RGL1: variants seen among roughly 807,000 people sequenced by gnomAD.
The protein encoded by RGL1 is ral guanine nucleotide dissociation stimulator-like 1.
In RGL1, 24 loss-of-function variants were observed where a neutral mutation model predicts 95.2. The ratio of observed to expected loss-of-function variants is 0.25; its 90% CI spans 0.18 to 0.35. The LOEUF (loss-of-function observed/expected upper bound fraction) is 0.35. Among genes scored for constraint, RGL1 ranks in the 10% least tolerant of loss-of-function variants. The probability of loss-of-function intolerance (pLI) is 1.00; values close to 1 mark genes in which losing one functional copy is unlikely to be tolerated. For synonymous variants in RGL1, 329 were observed against 344.9 expected, an observed-to-expected ratio of 0.95 and a Z score of 0.51; for missense variants, 715 against 936.3, an observed-to-expected ratio of 0.76 and a Z score of 3.08.
intron 1 of RGL1, among the ~76,000 whole-genome samples, chr1:183,727,829 A>G (rs1174855412): frequency 6.6e-6 from 1 of 152,206 alleles, no homozygotes; most frequent in Non-Finnish European, 1.5e-5. Flanking sequence ...AAAGGACAAT[A>G]TTATTTGCAA....
At chr1:183,751,812 T>C (rs554886952) in intron 2 of RGL1, among the ~76,000 whole-genome samples, 1 of 152,300 alleles carries the variant, frequency 6.6e-6, no homozygotes, top group East Asian at 1.9e-4. Flanking sequence ...GGGAGTTCCC[T>C]GACCCCTTGC....
At chr1:183,753,954 A>T (rs1210624341) in intron 2 of RGL1, among the ~76,000 whole-genome samples, 69 of 147,306 alleles carry the variant, frequency 4.7e-4, no homozygotes, top group Admixed American at 6.1e-4. Flanking sequence ...CAGTGGGTTC[A>T]TTTTTTTTTT....
At chr1:183,748,755 T>G (rs1438119558) in intron 2 of RGL1, among the ~76,000 whole-genome samples, 1 of 152,186 alleles carries the variant, frequency 6.6e-6, no homozygotes, top group Non-Finnish European at 1.5e-5. Context: ...CCGTGGGCAT[T>G]TAGTGCTATA....
intron 2 of RGL1, among the ~76,000 whole-genome samples, chr1:183,816,112 G>A (rs980615073): frequency 6.6e-6 from 1 of 152,142 alleles, no homozygotes; most frequent in African/African-American, 2.4e-5. Flanking sequence ...CTGGCTCCTT[G>A]CATAATGAAA....
intron 2 of RGL1, among the ~76,000 whole-genome samples, chr1:183,812,737 TGAGTGA>T (rs1294345431): frequency 6.6e-6 from 1 of 151,874 alleles, no homozygotes; most frequent in African/African-American, 2.4e-5. Flanking sequence ...AAGTGACGGA[TGAGTGA>T]GAGTTAAATG....
chr1:183,676,631 C>T (rs1652845255), intron 1 of RGL1, among the ~76,000 whole-genome samples: 1 of 150,482 alleles, frequency 6.6e-6, no homozygotes, highest in African/African-American at 2.4e-5. Context: ...ATGCACTTCA[C>T]TGCATTTTAA....
intron 1 of RGL1, among the ~76,000 whole-genome samples, chr1:183,692,396 AT>A (rs1378203469): frequency 6.6e-6 from 1 of 152,220 alleles, no homozygotes; most frequent in African/African-American, 2.4e-5. Flanking sequence ...TGGATGAACC[AT>A]ATACATCATC....
At chr1:183,892,254 A>C (rs930201963) in intron 9 of RGL1, 93 bp downstream of exon 9, 1 of 884,728 alleles carries the variant, frequency 1.1e-6, no homozygotes, top group African/African-American at 1.7e-5. Flanking sequence ...AAGTTCCTTC[A>C]ACTCCAAAGA....
At chr1:183,700,081 G>C (rs1654492890) in intron 1 of RGL1, among the ~76,000 whole-genome samples, 1 of 152,178 alleles carries the variant, frequency 6.6e-6, no homozygotes, top group Non-Finnish European at 1.5e-5. Flanking sequence ...GCTGTGACCA[G>C]ACTGATTTTA....
chr1:183,747,759 C>T (rs751569317), intron 2 of RGL1, among the ~76,000 whole-genome samples: 4 of 152,318 alleles, frequency 2.6e-5, no homozygotes, highest in East Asian at 3.9e-4. Context: ...AGGATTTTCA[C>T]ATCGATGTTC....
At chr1:183,837,990 G>A (rs1663785421) in intron 2 of RGL1, among the ~76,000 whole-genome samples, 1 of 152,218 alleles carries the variant, frequency 6.6e-6, no homozygotes, top group African/African-American at 2.4e-5. Context: ...ACCTGCTGCT[G>A]TGAGGCCCGG....
intron 1 of RGL1, among the ~76,000 whole-genome samples, chr1:183,645,713 T>G (rs1650245034): frequency 6.6e-6 from 1 of 152,234 alleles, no homozygotes; most frequent in Non-Finnish European, 1.5e-5. Flanking sequence ...TGCCTTCTTA[T>G]AGCAGACGGA....
chr1:183,667,736 C>G (rs1194049021), intron 1 of RGL1, among the ~76,000 whole-genome samples: 1 of 152,096 alleles, frequency 6.6e-6, no homozygotes, highest in African/African-American at 2.4e-5. Context: ...GCCTTCCACA[C>G]TTTTTCAACC....
chr1:183,651,353 A>G (rs150691623), intron 1 of RGL1, among the ~76,000 whole-genome samples: 508 of 152,338 alleles, frequency 3.3e-3, no homozygotes, highest in Non-Finnish European at 5.5e-3. Context: ...TTATCATATC[A>G]CAAGTATGAA....
upstream of RGL1, among the ~76,000 whole-genome samples, chr1:183,801,442 A>G (rs78457360): frequency 6.0e-3 from 907 of 152,032 alleles, 12 homozygotes; most frequent in African/African-American, 0.021. Context: ...CCCATTCCAT[A>G]GGTCATTTAT....
intron 1 of RGL1, among the ~76,000 whole-genome samples, chr1:183,668,004 T>C (rs974715597): frequency 9.7e-5 from 2 of 20,596 alleles, no homozygotes; most frequent in African/African-American, 1.9e-4. Context: ...CTTATATATA[T>C]GTGTGTGTGT....
chr1:183,904,919 C>G lies in RGL1; in HGVS notation c.1420C>G (p.Gln474Glu). The G allele has an allele frequency of 6.2e-7, 1 of 1,613,774 alleles. No homozygotes were observed. Among genetic ancestry groups the G allele is most frequent in the Non-Finnish European group, 8.5e-7 (1 of 1,179,880 alleles). Reference protein sequence around the residue: ...ACNSYCMTPDQKFIQWFQRQQ... With the variant: ...ACNSYCMTPDEKFIQWFQRQQ... The stretch of plus-strand genomic sequence containing the variant: ...CAACAGCTATTGCATGACCCCAGAC[C>G]AAAAGTTCATCCAGTGGTTCCAGAG... The change falls in exon 13 of 18, where the codon CAA (glutamine) becomes GAA (glutamate). Residue 474 changes from glutamine to glutamate, a missense_variant. By Grantham distance (29) the Gln-to-Glu change is conservative. This residue lies in a region of RGL1 where 330 missense variants were observed against 429.6 expected (regional missense o/e 0.77). Transcript: ENST00000360851.
chr1:183,700,846 T>A (rs1466246752), intron 1 of RGL1, among the ~76,000 whole-genome samples: 1 of 152,092 alleles, frequency 6.6e-6, no homozygotes, highest in Non-Finnish European at 1.5e-5. Flanking sequence ...GCCTGGCCTG[T>A]CATCTAGGTT....
At chr1:183,888,312 G>A (rs1320881561) in intron 7 of RGL1, among the ~76,000 whole-genome samples, 162 bp from the exon 8 acceptor site, 1 of 152,140 alleles carries the variant, frequency 6.6e-6, no homozygotes, top group East Asian at 1.9e-4. Flanking sequence ...CGATGACTGG[G>A]GTGGGAGGAA....
Sources: allele counts gnomAD v4.1 joint callset (sites outside exome capture counted in the v4.1 genomes callset), GRCh38; gene constraint gnomAD v4.1.1; regional missense constraint gnomAD v4.1.1; transcripts MANE v1.5; gene names NCBI Gene and HGNC (gene_info 2026-07-23, HGNC 2026-07-21).